Variants in GPC6 observed in about 807,000 individuals in gnomAD.
The protein encoded by GPC6 is glypican 6, also known as glypican-6.
In GPC6, 14 loss-of-function variants were observed where a neutral mutation model predicts 55.2. The observed-to-expected ratio is 0.25, with a 90% CI of 0.17 to 0.40. The LOEUF (loss-of-function observed/expected upper bound fraction) is 0.40. GPC6 is among the 10% of genes least tolerant of loss of function. The pLI is 1.00. For synonymous variants in GPC6, 278 were observed against 259.6 expected, an observed-to-expected ratio of 1.07 and a Z score of -0.68; for missense variants, 641 against 708.5, an observed-to-expected ratio of 0.90 and a Z score of 1.08.
chr13:93,913,450 A>G (rs968676313), intron 3 of GPC6, among the ~76,000 whole-genome samples: 2 of 152,190 alleles, frequency 1.3e-5, no homozygotes, highest in Non-Finnish European at 2.9e-5. Flanking sequence ...TCCTGGACCA[A>G]TTTGAGAACA....
chr13:93,438,212 G>A (rs1364611371), intron 1 of GPC6, among the ~76,000 whole-genome samples: 1 of 152,136 alleles, frequency 6.6e-6, no homozygotes, highest in African/African-American at 2.4e-5. Flanking sequence ...GGAGATTCAT[G>A]TTGTTTTCAT....
chr13:93,366,379 A>C (rs2139185199), intron 1 of GPC6, among the ~76,000 whole-genome samples: 1 of 152,208 alleles, frequency 6.6e-6, no homozygotes, highest in South Asian at 2.1e-4. Flanking sequence ...ACATTTCCAA[A>C]CCTGATGTTA....
rs1022483050 is a variant in GPC6 at position 93,993,542 on chromosome 13, C to T, written c.712-34187C>T. Among the ~76,000 whole-genome samples, 5 of 152,024 alleles carry T rather than the reference C, an allele frequency of 3.3e-5. No homozygotes were observed. The East Asian group carries it at 5.8e-4, about 18-fold the overall frequency. On this transcript the variant is annotated intron_variant, in intron 3 of 8. Transcript: ENST00000377047. ...AACTCCTGACCTCAAATGATCCACCCGCCTCAGCCTCCCAAAGTGCTGAGA... is the reference window on the plus strand; with the variant it reads ...AACTCCTGACCTCAAATGATCCACCTGCCTCAGCCTCCCAAAGTGCTGAGA...
At chr13:94,069,697 T>C (rs1026343060) in intron 4 of GPC6, among the ~76,000 whole-genome samples, 1 of 152,188 alleles carries the variant, frequency 6.6e-6, no homozygotes, top group African/African-American at 2.4e-5. Context: ...CACAGATCTA[T>C]AGGGCAGGGG....
At chr13:93,713,412 T>C (rs550399063) in intron 2 of GPC6, among the ~76,000 whole-genome samples, 21 of 151,794 alleles carry the variant, frequency 1.4e-4, no homozygotes, top group Non-Finnish European at 8.9e-5. Context: ...CCAAGACTAA[T>C]TAAGAATAAA....
chr13:93,940,762 A>G (rs185276964), intron 3 of GPC6, among the ~76,000 whole-genome samples: 5 of 152,260 alleles, frequency 3.3e-5, no homozygotes, highest in Admixed American at 3.3e-4. Context: ...AAGTGTTGTG[A>G]TTTATATTTT....
chr13:94,358,896 CTG>C (rs78836945), intron 6 of GPC6, among the ~76,000 whole-genome samples: 3,997 of 152,260 alleles, frequency 0.026, 215 homozygotes, highest in East Asian at 0.24. Flanking sequence ...CAGAAAAAAA[CTG>C]TTTTTAAAAT....
chr13:94,147,184 C>A (rs1035756565), intron 4 of GPC6, among the ~76,000 whole-genome samples: 1 of 151,934 alleles, frequency 6.6e-6, no homozygotes, highest in Non-Finnish European at 1.5e-5. Flanking sequence ...AAATAATTTC[C>A]CCCTCTTAGC....
chr13:93,608,120 C>CA (rs1878322979), intron 2 of GPC6, among the ~76,000 whole-genome samples: 1 of 152,068 alleles, frequency 6.6e-6, no homozygotes, highest in South Asian at 2.1e-4. Context: ...TACTGTAGCC[C>CA]ATTAGCCTCA....
chr13:93,775,205 A>G (rs1008983261), intron 2 of GPC6, among the ~76,000 whole-genome samples: 1 of 152,064 alleles, frequency 6.6e-6, no homozygotes, highest in Non-Finnish European at 1.5e-5. Flanking sequence ...GAGTCTTGCT[A>G]TGTTGCCCAG....
At chr13:93,850,543 A>G (rs753446198) in intron 3 of GPC6, among the ~76,000 whole-genome samples, 7 of 151,984 alleles carry the variant, frequency 4.6e-5, no homozygotes, top group African/African-American at 7.2e-5. Flanking sequence ...CAACTAGTTA[A>G]TATTTATTGA....
intron 3 of GPC6, among the ~76,000 whole-genome samples, chr13:93,964,064 A>G (rs1388320791): frequency 2.6e-5 from 4 of 152,106 alleles, no homozygotes; most frequent in African/African-American, 9.7e-5. Flanking sequence ...CCACTCATGT[A>G]TTACCAAAGA....
rs1884828772 is a variant in GPC6, at chr13:93,757,839, G to A, written c.320-72315G>A. ...CTTCACATAGGGCTGGATAAGCTGGGTTCAGAAAGGCCAAATGTGCACCTT... is the reference window on the plus strand; with the variant it reads ...CTTCACATAGGGCTGGATAAGCTGGATTCAGAAAGGCCAAATGTGCACCTT... On this transcript the variant is annotated intron_variant, in intron 2 of 8. Coordinates refer to ENST00000377047, the MANE Select transcript of GPC6 (RefSeq NM_005708.5). 2.0e-5 allele frequency among the ~76,000 whole-genome samples: 3 copies of A among 152,080 alleles called. No individual in the cohort carries two copies. The South Asian group carries it at 6.2e-4, about 32-fold the overall frequency.
At chr13:93,818,348 G>C (rs1211886824) in intron 2 of GPC6, 2 of 151,800 alleles carry the variant, frequency 1.3e-5, no homozygotes, top group Non-Finnish European at 2.9e-5. Context: ...TAAAAACTTA[G>C]CTTTCAATTA....
chr13:93,824,110 C>G lies in GPC6; in HGVS notation c.320-6044C>G, dbSNP rs573628400. Among the ~76,000 whole-genome samples the G allele has an allele frequency of 2.0e-5, 3 of 151,890 alleles. No individual in the cohort carries two copies. In the South Asian group the frequency reaches 6.2e-4, roughly 32 times the overall value. On this transcript the variant is annotated intron_variant, in intron 2 of 8. Coordinates refer to ENST00000377047, the MANE Select transcript of GPC6 (RefSeq NM_005708.5). ...CATTCAAAGAATCTGCTTTTTACAC[C>G]AAAAAATGCAAGTGATGTTTAAGAA...
intron 2 of GPC6, among the ~76,000 whole-genome samples, chr13:93,721,202 C>T (rs1464747693): frequency 6.6e-6 from 1 of 151,928 alleles, no homozygotes; most frequent in Non-Finnish European, 1.5e-5. Context: ...GAGTCTAAGT[C>T]TCTTTGTAGG....
Position 93,227,490 on chromosome 13 carries a change from C to G in GPC6, c.34C>G (p.Leu12Val), listed in dbSNP as rs1875833963. ...PSWIGAVILP[L>V]LGLLLSLPAG... ...TTGGATCGGGGCTGTGATTCTTCCC[C>G]TCTTGGGGCTGCTGCTCTCCCTCCC... The change falls in exon 1 of 9, where the codon CTC (leucine) becomes GTC (valine). Residue 12 changes from leucine to valine, a missense_variant. Physicochemically the swap from Leu to Val is conservative, Grantham distance 32 (BLOSUM62 1). Transcript: ENST00000377047. This position sits in a 1 kb window ranked among gnomAD's most constrained non-coding sequence, Gnocchi z 4.3. 1 of 1,613,952 alleles carries G rather than the reference C, an allele frequency of 6.2e-7. No individual in the cohort carries two copies. Among genetic ancestry groups the G allele is most frequent in the African/African-American group, 1.3e-5 (1 of 75,066 alleles).
At chr13:94,200,957 C>T (rs934615129) in intron 4 of GPC6, among the ~76,000 whole-genome samples, 1 of 152,140 alleles carries the variant, frequency 6.6e-6, no homozygotes, top group South Asian at 2.1e-4. Context: ...AAACAGGCAG[C>T]GCAAAAGGCA....
intron 4 of GPC6, among the ~76,000 whole-genome samples, chr13:94,193,425 C>T (rs1019368262): frequency 6.6e-6 from 1 of 152,206 alleles, no homozygotes; most frequent in Non-Finnish European, 1.5e-5. Flanking sequence ...CATTCCTGAC[C>T]TCTGTGTTTT....
Sources: gnomAD v4.1 joint callset for allele counts (sites outside exome capture counted in the v4.1 genomes callset) on GRCh38, gnomAD v4.1.1 for gene constraint, Gnocchi (gnomAD v3.1) non-coding constraint, MANE v1.5 for transcripts, NCBI Gene and HGNC (gene_info 2026-07-23, HGNC 2026-07-21) for gene names.